The following BRD10 variants were observed in gnomAD, a reference collection of about 807,000 sequenced individuals.
The protein encoded by BRD10 is uncharacterized bromodomain-containing protein 10.
At chr9:5,980,682 TAGAG>T in the BRD10 span, among the ~76,000 whole-genome samples, 9 of 151,718 alleles carry the variant, frequency 5.9e-5, no homozygotes, top group African/African-American at 1.9e-4. Flanking sequence ...TATATGTATA[TAGAG>T]AGAGAGAGAG....
chr9:5,978,649 T>C, the BRD10 span, among the ~76,000 whole-genome samples: 1 of 152,160 alleles, frequency 6.6e-6, no homozygotes, highest in Non-Finnish European at 1.5e-5. Flanking sequence ...ATAGAAGCTC[T>C]GTCAAGAGTC....
At chr9:5,899,740 T>C in the BRD10 span, among the ~76,000 whole-genome samples, 15 of 152,224 alleles carry the variant, frequency 9.9e-5, no homozygotes, top group Non-Finnish European at 7.3e-5. Flanking sequence ...ACCCCTCCGC[T>C]TTCCCCTATG....
chr9:5,920,128 T>C, the BRD10 span: 28 of 1,613,934 alleles, frequency 1.7e-5, no homozygotes, highest in East Asian at 3.3e-4. Context: ...GAGGATGTTG[T>C]AGAGGTTGGC....
the BRD10 span, among the ~76,000 whole-genome samples, chr9:5,982,470 G>T: frequency 6.6e-6 from 1 of 152,152 alleles, no homozygotes; most frequent in African/African-American, 2.4e-5. Context: ...TGAGGGTTCT[G>T]CCCAAATGAG....
At chr9:5,981,095 G>A in the BRD10 span, among the ~76,000 whole-genome samples, 24 of 152,310 alleles carry the variant, frequency 1.6e-4, no homozygotes, top group East Asian at 3.5e-3. Context: ...TTTGCCTCTA[G>A]ATCCATTCTC....
At chr9:5,922,419 C>T in the BRD10 span, 3 of 1,613,866 alleles carry the variant, frequency 1.9e-6, no homozygotes, top group East Asian at 2.2e-5. Context: ...AAGTTACTTA[C>T]AGAGGTTACA....
chr9:5,941,516 A>T, the BRD10 span, among the ~76,000 whole-genome samples: 2 of 152,166 alleles, frequency 1.3e-5, no homozygotes, highest in Non-Finnish European at 2.9e-5. Context: ...ACAGGATCTA[A>T]ACGATGATGA....
chr9:6,000,439 G>A, the BRD10 span, among the ~76,000 whole-genome samples: 3 of 152,166 alleles, frequency 2.0e-5, no homozygotes, highest in Non-Finnish European at 4.4e-5. Flanking sequence ...AAGATCATCT[G>A]AAAGCTAAAA....
the BRD10 span, among the ~76,000 whole-genome samples, chr9:5,973,376 A>G: frequency 6.6e-6 from 1 of 152,188 alleles, no homozygotes; most frequent in Non-Finnish European, 1.5e-5. Flanking sequence ...CTGAGGCAGG[A>G]GAATCGCTTG....
chr9:5,883,069 T>C, the BRD10 span, among the ~76,000 whole-genome samples: 1 of 152,018 alleles, frequency 6.6e-6, no homozygotes, highest in Non-Finnish European at 1.5e-5. Flanking sequence ...AATGACGAGT[T>C]AATGGGTGCA....
the BRD10 span, chr9:5,908,612 C>T: frequency 6.3e-7 from 1 of 1,595,246 alleles, no homozygotes; most frequent in Non-Finnish European, 8.6e-7. Context: ...GTTGCCAAGC[C>T]CATATTCTCC....
chr9:5,928,249 G>A, the BRD10 span, among the ~76,000 whole-genome samples: 2 of 152,074 alleles, frequency 1.3e-5, no homozygotes, highest in Admixed American at 6.6e-5. Context: ...CTTGGTATCT[G>A]CACTGCTACT....
At chr9:5,890,074 G>A in the BRD10 span, among the ~76,000 whole-genome samples, 15 of 152,228 alleles carry the variant, frequency 9.9e-5, no homozygotes, top group Admixed American at 3.9e-4. Context: ...CTCCAGACCT[G>A]TGCCTAAAGA....
chr9:5,920,840 G>A, the BRD10 span: 10 of 1,613,804 alleles, frequency 6.2e-6, no homozygotes, highest in Admixed American at 1.7e-4. Flanking sequence ...AACAGATGAT[G>A]CAAGGTGTCC....
chr9:5,921,974 G>C, the BRD10 span: 20 of 1,613,868 alleles, frequency 1.2e-5, no homozygotes, highest in African/African-American at 2.1e-4. Context: ...ACTAGATGTA[G>C]TAGTTGTTCC....
the BRD10 span, chr9:5,919,590 T>C: frequency 1.0e-5 from 5 of 500,028 alleles, no homozygotes; most frequent in South Asian, 7.8e-5. Context: ...ACACAATGTA[T>C]AGTATGCTTT....
the BRD10 span, among the ~76,000 whole-genome samples, chr9:5,943,728 T>C: frequency 6.6e-6 from 1 of 152,128 alleles, no homozygotes; most frequent in Non-Finnish European, 1.5e-5. Context: ...TTAATGAAAA[T>C]ATTTCCAAAA....
chr9:5,994,986 G>A, the BRD10 span, among the ~76,000 whole-genome samples: 23 of 150,104 alleles, frequency 1.5e-4, no homozygotes, highest in Admixed American at 7.4e-4. Flanking sequence ...TGCAACCTCC[G>A]CCTCCCTGGT....
At chr9:6,006,809 T>G in the BRD10 span, among the ~76,000 whole-genome samples, 2 of 152,228 alleles carry the variant, frequency 1.3e-5, no homozygotes, top group African/African-American at 2.4e-5. Flanking sequence ...CTAGAGATAT[T>G]TCATCCTAAA....
Sources: allele counts gnomAD v4.1 joint callset (sites outside exome capture counted in the v4.1 genomes callset), GRCh38; gene constraint gnomAD v4.1.1; transcripts MANE v1.5; gene names NCBI Gene and HGNC (gene_info 2026-07-23, HGNC 2026-07-21).